Variants in FOXN3 observed in about 807,000 individuals in gnomAD.
FOXN3 encodes forkhead box protein N3.
FOXN3 carries 7 observed loss-of-function variants against 38.4 expected under a neutral mutation model. The ratio of observed to expected loss-of-function variants is 0.18; its 90% CI spans 0.10 to 0.34. The LOEUF (loss-of-function observed/expected upper bound fraction) is 0.34. Ranked by LOEUF, FOXN3 falls within the 10% of genes least tolerant of loss-of-function variation. FOXN3 has a pLI of 1.00. For synonymous variants in FOXN3, 230 were observed against 242.2 expected (o/e 0.95, Z 0.47); for missense variants, 456 against 613.4 (o/e 0.74, Z 2.71).
chr14:89,460,952 C>A (rs552733537), intron 1 of FOXN3, among the ~76,000 whole-genome samples: 10 of 145,284 alleles, frequency 6.9e-5, no homozygotes, highest in African/African-American at 1.8e-4. Context: ...CGCTTGAACC[C>A]AGGAGGAGGA....
intron 4 of FOXN3, among the ~76,000 whole-genome samples, chr14:89,215,158 A>T (rs1375436223): frequency 6.6e-6 from 1 of 151,832 alleles, no homozygotes; most frequent in East Asian, 1.9e-4. Context: ...TTCAAGTTTC[A>T]TTAGATACAG....
intron 1 of FOXN3, among the ~76,000 whole-genome samples, chr14:89,529,318 G>C (rs886524810): frequency 6.6e-6 from 1 of 152,182 alleles, no homozygotes; most frequent in Non-Finnish European, 1.5e-5. Context: ...CACAGAGGAT[G>C]CACCCTGTTT....
chr14:89,348,149 A>G (rs1158341314), intron 3 of FOXN3, among the ~76,000 whole-genome samples: 2 of 151,970 alleles, frequency 1.3e-5, no homozygotes, highest in Non-Finnish European at 2.9e-5. Context: ...CCGCCCATCT[A>G]GTATAATCAC....
chr14:89,315,574 G>A (rs1887695821), intron 3 of FOXN3, among the ~76,000 whole-genome samples: 1 of 152,146 alleles, frequency 6.6e-6, no homozygotes, highest in Non-Finnish European at 1.5e-5. Context: ...CCACAGCACG[G>A]TTAGAGGAAC....
intron 1 of FOXN3, among the ~76,000 whole-genome samples, chr14:89,591,581 TCAGGCATCAC>T (rs1406559875): frequency 1.3e-5 from 2 of 152,292 alleles, no homozygotes; most frequent in East Asian, 3.9e-4. Context: ...AAAACGAAAT[TCAGGCATCAC>T]CAGGAATTTA....
chr14:89,204,776 TACAAAGAG>T (rs1232937483), intron 4 of FOXN3, among the ~76,000 whole-genome samples: 6 of 151,778 alleles, frequency 4.0e-5, no homozygotes, highest in African/African-American at 1.2e-4. Flanking sequence ...TTCAATTTGA[TACAAAGAG>T]ACATAGGCTC....
intron 1 of FOXN3, among the ~76,000 whole-genome samples, chr14:89,556,229 C>A (rs1421371150): frequency 6.6e-6 from 1 of 151,934 alleles, no homozygotes; most frequent in African/African-American, 2.4e-5. Flanking sequence ...CATGGAGAAA[C>A]CCCGTCTCTA....
At chr14:89,491,315 T>C (rs918618669) in intron 1 of FOXN3, among the ~76,000 whole-genome samples, 4 of 152,154 alleles carry the variant, frequency 2.6e-5, no homozygotes, top group African/African-American at 9.7e-5. Flanking sequence ...GCTATGATCA[T>C]TGACAAATAA....
chr14:89,292,827 CCT>C (rs1886918007), intron 3 of FOXN3, among the ~76,000 whole-genome samples: 1 of 152,188 alleles, frequency 6.6e-6, no homozygotes, highest in African/African-American at 2.4e-5. Flanking sequence ...GTCACTCCAG[CCT>C]CTCTCCCCTC....
intron 1 of FOXN3, among the ~76,000 whole-genome samples, chr14:89,496,124 A>G (rs1217555238): frequency 6.6e-6 from 1 of 152,142 alleles, no homozygotes; most frequent in Non-Finnish European, 1.5e-5. Context: ...GAGGCAGGCG[A>G]ATCTCTTGAA....
intron 3 of FOXN3, among the ~76,000 whole-genome samples, chr14:89,304,903 AC>A (rs1158698477): frequency 4.6e-5 from 7 of 151,460 alleles, no homozygotes; most frequent in Non-Finnish European, 8.8e-5. Flanking sequence ...GAGGAAGCTG[AC>A]AGTGATCTGC....
intron 1 of FOXN3, among the ~76,000 whole-genome samples, chr14:89,608,740 C>T (rs114191343): frequency 9.0e-4 from 137 of 152,184 alleles, no homozygotes; most frequent in African/African-American, 3.3e-3. Context: ...CTATCATAGG[C>T]GAAGAACTGG....
At chr14:89,302,917 A>T (rs1887263560) in intron 3 of FOXN3, among the ~76,000 whole-genome samples, 1 of 152,136 alleles carries the variant, frequency 6.6e-6, no homozygotes, top group African/African-American at 2.4e-5. Flanking sequence ...AGGACACTTT[A>T]TGTGTAGGGC....
chr14:89,325,899 C>T (rs1195518303), intron 3 of FOXN3, among the ~76,000 whole-genome samples: 1 of 152,226 alleles, frequency 6.6e-6, no homozygotes, highest in Non-Finnish European at 1.5e-5. Context: ...AGTAAGATAG[C>T]ATGGCTGCAC....
intron 1 of FOXN3, among the ~76,000 whole-genome samples, chr14:89,452,376 C>T (rs1370411888): frequency 6.6e-6 from 1 of 152,150 alleles, no homozygotes; most frequent in African/African-American, 2.4e-5. Context: ...CCAAGCCCAT[C>T]CCCATCTCCC....
chr14:89,434,724 C>T (rs759527853), intron 1 of FOXN3, among the ~76,000 whole-genome samples: 1 of 152,156 alleles, frequency 6.6e-6, no homozygotes, highest in Non-Finnish European at 1.5e-5. Flanking sequence ...TGCTCCCAAA[C>T]CACCAAATAA....
intron 1 of FOXN3, among the ~76,000 whole-genome samples, chr14:89,534,043 G>C (rs1894631394): frequency 6.6e-6 from 1 of 150,832 alleles, no homozygotes; most frequent in Admixed American, 6.6e-5. Flanking sequence ...CCTGACTAGA[G>C]ATGTGCTTCC....
chr14:89,202,528 G>A (rs1239454495), intron 4 of FOXN3, among the ~76,000 whole-genome samples: 1 of 152,216 alleles, frequency 6.6e-6, no homozygotes, highest in Non-Finnish European at 1.5e-5. Flanking sequence ...CCTCTCTAAA[G>A]CACATGCTGA....
intron 1 of FOXN3, among the ~76,000 whole-genome samples, chr14:89,608,190 T>C (rs1896313756): frequency 9.1e-6 from 1 of 110,428 alleles, no homozygotes; most frequent in Non-Finnish European, 2.0e-5. Flanking sequence ...CCCATCCTGT[T>C]AGCCATCCTG....
Sources: gnomAD v4.1 joint callset for allele counts (sites outside exome capture counted in the v4.1 genomes callset) on GRCh38, gnomAD v4.1.1 for gene constraint, MANE v1.5 for transcripts, NCBI Gene and HGNC (gene_info 2026-07-23, HGNC 2026-07-21) for gene names.